The following SCRIB variants were observed in gnomAD, a reference collection of about 807,000 sequenced individuals.
SCRIB encodes protein scribble homolog.
Under a neutral mutation model 170.0 loss-of-function variants are expected in SCRIB, and 72 were observed. The observed-to-expected ratio is 0.42, with a 90% CI of 0.35 to 0.52. The LOEUF (loss-of-function observed/expected upper bound fraction) is 0.52, where lower values mean the gene tolerates loss of function less well. Among genes scored for constraint, SCRIB ranks in the 20% least tolerant of loss-of-function variants. The probability of loss-of-function intolerance (pLI) is 0.02; values close to 1 mark genes in which losing one functional copy is unlikely to be tolerated. For missense variants in SCRIB, 2,475 were observed against 2,338.5 expected (o/e 1.06, Z -1.20); for synonymous variants, 1,298 against 1,044.3 (o/e 1.24, Z -4.68).
intron 27 of SCRIB, among the ~76,000 whole-genome samples, chr8:143,794,516 G>A (rs938567906): frequency 5.3e-5 from 8 of 152,152 alleles, no homozygotes; most frequent in Non-Finnish European, 1.0e-4. Context: ...GCTTGGGCAA[G>A]GGCCTGCAGG....
chr8:143,804,470 C>A, intron 21 of SCRIB, 98 bp downstream of exon 21: 1 of 1,312,222 alleles, frequency 7.6e-7, no homozygotes, highest in South Asian at 1.6e-5. Flanking sequence ...GGCTTCCCAC[C>A]TGGAGTGGGC....
chr8:143,796,553 C>T (rs138826002), intron 24 of SCRIB, among the ~76,000 whole-genome samples: 3 of 152,286 alleles, frequency 2.0e-5, no homozygotes, highest in African/African-American at 4.8e-5. Context: ...AGACGGATGC[C>T]GTCACCACAG....
In SCRIB at chr8:143,808,662, T is replaced by C; in HGVS notation, c.2062A>G (p.Ser688Gly). ...EENRAEEEEA[S>G]TEEEDKEGAV... is the part of the protein sequence containing the mutation. Reference sequence around the variant, plus strand: ...CCCTCCTTGTCCTCCTCCTCAGTGCTGGCCTCTTCCTCTTCAGCCCTGTTT... The same window carrying C: ...CCCTCCTTGTCCTCCTCCTCAGTGCCGGCCTCTTCCTCTTCAGCCCTGTTT... The change falls in exon 15 of 37, where the codon AGC (serine) becomes GGC (glycine). Residue 688 changes from serine (S) to glycine (G), a missense_variant. Ser to Gly is a moderately conservative substitution (Grantham distance 56, BLOSUM62 0). Coordinates refer to ENST00000356994, the MANE Select transcript of SCRIB (RefSeq NM_182706.5). 1 of 1,534,020 alleles carries C rather than the reference T, an allele frequency of 6.5e-7. No individual in the cohort carries two copies. The highest frequency in any genetic ancestry group is 8.7e-7 in the Non-Finnish European group (1 of 1,143,494).
At chr8:143,802,430 C>G (rs4875056) in intron 24 of SCRIB, among the ~76,000 whole-genome samples, 149,422 of 152,368 alleles carry the variant, frequency 0.98, 73,320 homozygotes, top group Middle Eastern at 1. Context: ...AGGAAGCCAT[C>G]TGTGTGCCGG....
chr8:143,794,914 GCCT>G, intron 27 of SCRIB, 121 bp downstream of exon 27: 3 of 868,262 alleles, frequency 3.5e-6, no homozygotes, highest in Non-Finnish European at 5.4e-6. Context: ...GTCAGACGTG[GCCT>G]CCTCCCACCC....
intron 6 of SCRIB, 67 bp downstream of exon 6, chr8:143,813,244 G>C: frequency 6.2e-7 from 1 of 1,601,902 alleles, no homozygotes; most frequent in South Asian, 1.1e-5. Flanking sequence ...TCTGCTCGCT[G>C]TCCCCTTCTT....
Position 143,804,716 on chromosome 8 carries a change from A to G in SCRIB, c.2861T>C (p.Leu954Pro), listed in dbSNP as rs782051529. ...GGAATGTGGCAGAGGGCTGGGAGGA[A>G]GAGGGCCCCCAGCCTCCCGCTCCAA... ...LLLEREAGGP[L>P]PPSPLPHSSP... Residue 954 changes from leucine (L) to proline (P), a missense_variant, in exon 21 of 37, where the codon CTT becomes CCT. Leu to Pro is a moderately conservative substitution (Grantham distance 98). Coordinates refer to ENST00000356994, the MANE Select transcript of SCRIB (RefSeq NM_182706.5). 3.2e-6 allele frequency: 5 copies of G among 1,586,026 alleles called. No individual in the cohort carries two copies. Among genetic ancestry groups the G allele is most frequent in the Non-Finnish European group, 4.3e-6 (5 of 1,165,668 alleles).
At position 143,791,069 on chromosome 8, in the gene SCRIB, A is replaced by G. The variant is rs571879152; in HGVS notation, c.*94T>C. The G allele has an allele frequency of 1.3e-5, 17 of 1,295,476 alleles. No homozygotes were observed. In the East Asian group the frequency reaches 5.0e-4, roughly 38 times the overall value. The allele number at this position is 1,295,476 out of a possible 1,614,324, so 80.2% of individuals were successfully genotyped here. On this transcript the variant is annotated 3_prime_UTR_variant, in exon 37 of 37. Transcript: ENST00000356994. Reference sequence around the variant, plus strand: ...GCCAGAACTCCTGTGGGGTCTCTTTAAAATGCTAACACCCAGGTTAAAAGA... The same window carrying G: ...GCCAGAACTCCTGTGGGGTCTCTTTGAAATGCTAACACCCAGGTTAAAAGA...
chr8:143,799,802 C>T (rs782619721), intron 24 of SCRIB, among the ~76,000 whole-genome samples: 4 of 145,712 alleles, frequency 2.7e-5, no homozygotes, highest in Non-Finnish European at 5.9e-5. Flanking sequence ...AGACGTGGGC[C>T]GTAGAAAGCA....
At position 143,803,653 on chromosome 8, in the gene SCRIB, G is replaced by C. The variant is rs1554635505; in HGVS notation, c.3408C>G (p.Ile1136Met). The change falls in exon 23 of 37, where the codon ATC becomes ATG. Residue 1136 changes from isoleucine (I) to methionine (M), a missense_variant. Coordinates refer to ENST00000356994, the MANE Select transcript of SCRIB (RefSeq NM_182706.5). ...TGGGGTGGGGGGGGCTCACCTTGGA[G>C]ATGAAGATGCCCTCGTCTGTGGGGT... ...PRDPTDEGIF[I>M]SKVSPTGAAG... 1 of 1,555,204 alleles carries C rather than the reference G, an allele frequency of 6.4e-7. No individual in the cohort carries two copies. The highest frequency in any genetic ancestry group is 1.9e-5 in the Admixed American group (1 of 52,552).
intron 34 of SCRIB, 45 bp from the exon 35 acceptor site, chr8:143,791,785 G>A (rs782685432): frequency 1.9e-5 from 28 of 1,503,520 alleles, no homozygotes; most frequent in African/African-American, 1.8e-4. Flanking sequence ...TGAGAGGAAA[G>A]GGGGGGATGA....
intron 24 of SCRIB, among the ~76,000 whole-genome samples, chr8:143,798,894 G>A (rs1255965135): frequency 6.6e-6 from 1 of 152,012 alleles, no homozygotes; most frequent in African/African-American, 2.4e-5. Flanking sequence ...CAGGGCCGGG[G>A]CAGGAAGTAC....
At chr8:143,791,368 C>A (rs781810795) in intron 36 of SCRIB, 21 bp downstream of exon 36, 5 of 1,605,406 alleles carry the variant, frequency 3.1e-6, no homozygotes, top group Non-Finnish European at 4.2e-6. Flanking sequence ...GGGAGCTCAC[C>A]CCAGCCCGGC....
chr8:143,796,671 G>A (rs1814960744), intron 24 of SCRIB, among the ~76,000 whole-genome samples: 1 of 152,250 alleles, frequency 6.6e-6, no homozygotes, highest in Non-Finnish European at 1.5e-5. Context: ...TAAAAGCACA[G>A]TTACACAGGC....
chr8:143,801,087 T>A (rs1554634901), intron 24 of SCRIB, among the ~76,000 whole-genome samples: 1 of 152,216 alleles, frequency 6.6e-6, no homozygotes, highest in Non-Finnish European at 1.5e-5. Context: ...CAGAAGTAGC[T>A]CACAACTCAC....
At chr8:143,794,202 G>C in intron 27 of SCRIB, 1 of 531,332 alleles carries the variant, frequency 1.9e-6, no homozygotes, top group Non-Finnish European at 3.4e-6. Flanking sequence ...GCTGGCTGGA[G>C]CTTTGCAGGA....
At chr8:143,794,188 G>T in intron 27 of SCRIB, 6 of 553,238 alleles carry the variant, frequency 1.1e-5, no homozygotes, top group Non-Finnish European at 2.0e-5. Context: ...CTCCATGGCA[G>T]TGTGCTGGCT....
intron 21 of SCRIB, 87 bp downstream of exon 21, chr8:143,804,481 C>A (rs543034050): frequency 1.5e-6 from 2 of 1,371,658 alleles, no homozygotes; most frequent in Non-Finnish European, 1.9e-6. Flanking sequence ...TGGAGTGGGC[C>A]GCAAGGCCAT....
chr8:143,803,600 C>G (rs1554635482), intron 23 of SCRIB, 29 bp from the exon 24 acceptor site: 1 of 1,064,562 alleles, frequency 9.4e-7, no homozygotes, highest in Non-Finnish European at 1.3e-6. Flanking sequence ...TGGGAGAGAC[C>G]TGTTGGGGGG....
Sources: gnomAD v4.1 joint callset for allele counts (sites outside exome capture counted in the v4.1 genomes callset) on GRCh38, gnomAD v4.1.1 for gene constraint, MANE v1.5 for transcripts, NCBI Gene and HGNC (gene_info 2026-07-23, HGNC 2026-07-21) for gene names.